The following RAB37 variants were observed in gnomAD, a reference collection of about 807,000 sequenced individuals.
RAB37 encodes the protein RAB37, member RAS oncogene family, also known as ras-related protein Rab-37.
RAB37 carries 29 observed loss-of-function variants against 33.1 expected under a neutral mutation model. The ratio of observed to expected loss-of-function variants is 0.88; its 90% CI spans 0.65 to 1.20. RAB37 has a LOEUF of 1.20. RAB37 is among the 50% of genes most tolerant of loss of function. The pLI, the probability that RAB37 is intolerant of heterozygous loss-of-function variation, is 0.00. For synonymous variants in RAB37, 128 were observed against 119.5 expected, an observed-to-expected ratio of 1.07 and a Z score of -0.47; for missense variants, 299 against 301.1, an observed-to-expected ratio of 0.99 and a Z score of 0.05.
intron 1 of RAB37, among the ~76,000 whole-genome samples, chr17:74,728,190 G>A (rs1227418615): frequency 6.6e-6 from 1 of 151,932 alleles, no homozygotes; most frequent in East Asian, 1.9e-4. Context: ...ATGCATGTCT[G>A]TGCGAATGTG....
In RAB37 at chr17:74,715,663, T is replaced by C. The variant is rs566558626; in HGVS notation, c.73-13593T>C. ...CAGCACTGTCTGTTAGAACTGCCTG[T>C]GGCCAGACCCTCTGATCGTGGCCTC... is the stretch of plus-strand genomic sequence containing the variant. On this transcript the variant is annotated intron_variant, in intron 1 of 7. Transcript: ENST00000340415. Among the ~76,000 whole-genome samples the C allele has an allele frequency of 3.9e-5, 6 of 152,316 alleles. No homozygotes were observed. The South Asian group carries it at 1.0e-3, about 26-fold the overall frequency.
At chr17:74,709,765 G>C (rs1034373966) in intron 1 of RAB37, among the ~76,000 whole-genome samples, 1 of 151,826 alleles carries the variant, frequency 6.6e-6, no homozygotes, top group African/African-American at 2.4e-5. Flanking sequence ...GAGAGACAAG[G>C]TCTCACTTTG....
At position 74,737,358 on chromosome 17, in the gene RAB37, C is replaced by G; in HGVS notation, c.86C>G (p.Thr29Arg). Residue 29 changes from threonine (T) to arginine (R), a missense_variant, in exon 1 of 9, where the codon ACG becomes AGG. Physicochemically the swap from Thr to Arg is moderately conservative, Grantham distance 71. Coordinates refer to ENST00000392613, the MANE Select transcript of RAB37 (RefSeq NM_001006638.3). ...CCCTGCAGTCCGAGCTACGACCTCA[C>G]GGGCAAGGTGGGTGGGCCTCTTCCG... ...SPPCSPSYDL[T>R]GKVMLLGDTG... 6.4e-7 allele frequency: 1 copy of G among 1,571,372 alleles called. No individual in the cohort carries two copies. The highest frequency in any genetic ancestry group is 8.6e-7 in the Non-Finnish European group (1 of 1,165,968).
chr17:74,724,561 A>G (rs2034283301), intron 1 of RAB37, among the ~76,000 whole-genome samples: 2 of 152,228 alleles, frequency 1.3e-5, no homozygotes, highest in South Asian at 4.1e-4. Flanking sequence ...GTGGCTGTTT[A>G]TTTCACCTGG....
At chr17:74,735,006 A>AAAAGAAGGAAGG (rs2034448501), upstream of RAB37, among the ~76,000 whole-genome samples, 1 of 99,118 alleles carries the variant, frequency 1.0e-5, no homozygotes, top group African/African-American at 5.4e-5. Flanking sequence ...AAAGAAAAAG[A>AAAAGAAGGAAGG]AAGGAAGGAA....
chr17:74,732,289 G>T (rs1287993950), upstream of RAB37, among the ~76,000 whole-genome samples: 2 of 152,194 alleles, frequency 1.3e-5, no homozygotes, highest in East Asian at 3.8e-4. Context: ...GACCCAGGGG[G>T]TCCATGCGCC....
intron 1 of RAB37, among the ~76,000 whole-genome samples, chr17:74,681,253 C>T (rs1200394126): frequency 6.6e-6 from 1 of 152,180 alleles, no homozygotes; most frequent in African/African-American, 2.4e-5. Context: ...AAGCTTGCAG[C>T]TCTCGAGGCT....
At chr17:74,735,589 G>A (rs961814562), upstream of RAB37, among the ~76,000 whole-genome samples, 2 of 152,208 alleles carry the variant, frequency 1.3e-5, no homozygotes, top group Non-Finnish European at 1.5e-5. Flanking sequence ...AAGAGCCTCT[G>A]GCATCCAAAT....
In RAB37 at chr17:74,729,676, G is replaced by A. The variant is rs1323098639; in HGVS notation, c.183+310G>A. Among the ~76,000 whole-genome samples, 1 of 152,142 alleles carries A rather than the reference G, an allele frequency of 6.6e-6. No homozygotes were observed. Among genetic ancestry groups the A allele is most frequent in the East Asian group, 1.9e-4 (1 of 5,156 alleles). ...CAGGAGCTGCGTGGGACTTTCAGTG[G>A]AGGGACACAGCAGCCCATGGGAGCC... is the stretch of plus-strand genomic sequence containing the variant. On this transcript the variant is annotated intron_variant, in intron 2 of 7. Transcript: ENST00000340415. The surrounding 1 kb of genome is among the most constrained non-coding windows in gnomAD (Gnocchi z 4.2).
At chr17:74,716,702 G>T (rs1029778699) in intron 1 of RAB37, among the ~76,000 whole-genome samples, 1 of 151,344 alleles carries the variant, frequency 6.6e-6, no homozygotes, top group Non-Finnish European at 1.5e-5. Flanking sequence ...GGTCAGGGAG[G>T]GGGCAGAGAA....
In RAB37 at chr17:74,691,013, G is replaced by C. The variant is rs537971800; in HGVS notation, c.72+19355G>C. Among the ~76,000 whole-genome samples the C allele has an allele frequency of 3.9e-5, 6 of 152,212 alleles. No individual in the cohort carries two copies. In the East Asian group the frequency reaches 1.2e-3, roughly 29 times the overall value. On this transcript the variant is annotated intron_variant, in intron 1 of 7. Transcript: ENST00000340415. ...AGCTCACTGCTGCCTAGAACTCCAG[G>C]GCTCAACTGATCCTCCTGCCTCAGC...
chr17:74,675,906 G>A (rs1284548544), intron 1 of RAB37, among the ~76,000 whole-genome samples: 1 of 152,178 alleles, frequency 6.6e-6, no homozygotes, highest in African/African-American at 2.4e-5. Flanking sequence ...CATCCATCAT[G>A]TGCCTGGAGT....
intron 1 of RAB37, chr17:74,712,829 A>G: frequency 6.2e-7 from 1 of 1,614,012 alleles, no homozygotes; most frequent in Non-Finnish European, 8.5e-7. Flanking sequence ...CTCACCTGAG[A>G]GCCAGAAGAG....
At chr17:74,706,175 G>A (rs970319921) in intron 1 of RAB37, among the ~76,000 whole-genome samples, 13 of 151,798 alleles carry the variant, frequency 8.6e-5, no homozygotes, top group African/African-American at 3.1e-4. Flanking sequence ...CTGGGTGACA[G>A]GTTTGATTGA....
At chr17:74,687,319 G>C (rs1257245250) in intron 1 of RAB37, among the ~76,000 whole-genome samples, 1 of 152,028 alleles carries the variant, frequency 6.6e-6, no homozygotes, top group African/African-American at 2.4e-5. Context: ...CATCTCCCAG[G>C]TTCAAGCAAT....
rs1174468257 is a variant in RAB37 at position 74,674,316 on chromosome 17, A to G, written c.72+2658A>G. Among the ~76,000 whole-genome samples the G allele has an allele frequency of 2.6e-4, 15 of 57,300 alleles. No homozygotes were observed. The East Asian group carries it at 3.8e-3, about 15-fold the overall frequency. The allele number at this position is 57,300 out of a possible 152,430, so 37.6% of individuals were successfully genotyped here. On this transcript the variant is annotated intron_variant, in intron 1 of 7. Coordinates refer to the RAB37 transcript ENST00000340415. ...AGGCTGGTCTTGAACTCCTGGCCTCAAGAGATCCACCCGCTCGGCCTCCCA... is the reference window on the plus strand; with the variant it reads ...AGGCTGGTCTTGAACTCCTGGCCTCGAGAGATCCACCCGCTCGGCCTCCCA...
chr17:74,728,215 T>C (rs1167391902), intron 1 of RAB37, among the ~76,000 whole-genome samples: 1 of 152,160 alleles, frequency 6.6e-6, no homozygotes, highest in Admixed American at 6.5e-5. Context: ...TCTGTGTGTT[T>C]GCATGTGTGC....
intron 1 of RAB37, among the ~76,000 whole-genome samples, chr17:74,710,250 C>T (rs1598284593): frequency 6.6e-6 from 1 of 152,094 alleles, no homozygotes; most frequent in African/African-American, 2.4e-5. Flanking sequence ...GCTGGGATTA[C>T]AGGCGTGAGC....
At position 74,676,538 on chromosome 17, in the gene RAB37, T is replaced by C. The variant is rs1006485281; in HGVS notation, c.72+4880T>C. On this transcript the variant is annotated intron_variant, in intron 1 of 7. Transcript: ENST00000340415. This position sits in a 1 kb window ranked among gnomAD's most constrained non-coding sequence, Gnocchi z 4.1. ...CCCATCTCCTGCACTTATTCTTCACTTCCTTCTTCTATTACCCATCTTGTA... is the reference window on the plus strand; with the variant it reads ...CCCATCTCCTGCACTTATTCTTCACCTCCTTCTTCTATTACCCATCTTGTA... Among the ~76,000 whole-genome samples the C allele has an allele frequency of 2.0e-5, 3 of 152,246 alleles. No homozygotes were observed. Among genetic ancestry groups the C allele is most frequent in the Admixed American group, 1.3e-4 (2 of 15,288 alleles).
Sources: allele counts gnomAD v4.1 joint callset (sites outside exome capture counted in the v4.1 genomes callset), GRCh38; gene constraint gnomAD v4.1.1; non-coding constraint Gnocchi (gnomAD v3.1); transcripts MANE v1.5; gene names NCBI Gene and HGNC (gene_info 2026-07-23, HGNC 2026-07-21).